The following FNDC1 variants were observed in gnomAD, a reference collection of about 807,000 sequenced individuals.
The protein encoded by FNDC1 is fibronectin type III domain containing 1, also known as fibronectin type III domain-containing protein 1.
In FNDC1, 96 loss-of-function variants were observed where a neutral mutation model predicts 168.0. The ratio of observed to expected loss-of-function variants is 0.57; its 90% CI spans 0.48 to 0.68. The LOEUF (loss-of-function observed/expected upper bound fraction) is 0.68. FNDC1 is among the 30% of genes least tolerant of loss of function. The pLI is 0.00. For missense variants in FNDC1, 2,587 were observed against 2,482.1 expected (o/e 1.04, Z -0.90); for synonymous variants, 1,099 against 1,025.9 (o/e 1.07, Z -1.36).
At chr6:159,184,426 T>A (rs529160229) in intron 1 of FNDC1, among the ~76,000 whole-genome samples, 11 of 152,360 alleles carry the variant, frequency 7.2e-5, no homozygotes, top group African/African-American at 2.6e-4. Context: ...CCCCTTTTTA[T>A]TGATAATTTA....
intron 15 of FNDC1, 74 bp from the exon 16 acceptor site, chr6:159,248,965 G>T: frequency 7.1e-7 from 1 of 1,411,950 alleles, no homozygotes; most frequent in Non-Finnish European, 9.6e-7. Flanking sequence ...TTGAATGTAA[G>T]AAGGTATCAT....
intron 20 of FNDC1, 56 bp from the exon 21 acceptor site, chr6:159,266,028 T>G: frequency 6.3e-6 from 10 of 1,580,706 alleles, no homozygotes; most frequent in African/African-American, 1.3e-5. Flanking sequence ...GCACTTTGTG[T>G]GAGAAGACAC....
intron 1 of FNDC1, among the ~76,000 whole-genome samples, chr6:159,183,778 G>A (rs1188571715): frequency 6.6e-6 from 1 of 152,190 alleles, no homozygotes; most frequent in Non-Finnish European, 1.5e-5. Context: ...TCTAGGAGGA[G>A]GCGCTCACTG....
intron 4 of FNDC1, among the ~76,000 whole-genome samples, chr6:159,210,062 GA>G (rs1782566326): frequency 6.6e-6 from 1 of 152,228 alleles, no homozygotes; most frequent in Non-Finnish European, 1.5e-5. Context: ...GCCCTCTGAA[GA>G]GCAGTCGGGT....
chr6:159,201,778 CT>C (rs1782385822), intron 4 of FNDC1, among the ~76,000 whole-genome samples: 1 of 152,134 alleles, frequency 6.6e-6, no homozygotes, highest in Admixed American at 6.5e-5. Flanking sequence ...ACGTGTGAAC[CT>C]TTTACTGATG....
intron 15 of FNDC1, among the ~76,000 whole-genome samples, chr6:159,248,612 A>T (rs7759282): frequency 0.086 from 13,075 of 152,040 alleles, 1,056 homozygotes; most frequent in East Asian, 0.32. Flanking sequence ...CCAAAAAAAA[A>T]TTTTTAAGAA....
chr6:159,266,373 T>G (rs954416374), intron 21 of FNDC1, 128 bp downstream of exon 21: 11 of 973,420 alleles, frequency 1.1e-5, no homozygotes, highest in African/African-American at 9.8e-5. Context: ...TCACTCTGCC[T>G]CTAATACAAA....
chr6:159,212,499 G>A (rs543469156), intron 4 of FNDC1, among the ~76,000 whole-genome samples: 1 of 152,250 alleles, frequency 6.6e-6, no homozygotes, highest in African/African-American at 2.4e-5. Context: ...TATATAACCA[G>A]AGTATTAAAG....
At chr6:159,195,789 T>G (rs1427564980) in intron 1 of FNDC1, among the ~76,000 whole-genome samples, 2 of 152,214 alleles carry the variant, frequency 1.3e-5, no homozygotes, top group African/African-American at 4.8e-5. Flanking sequence ...AATGTGACAG[T>G]ATTTAGGTTT....
chr6:159,180,829 T>A (rs933151147), intron 1 of FNDC1, among the ~76,000 whole-genome samples: 1 of 152,206 alleles, frequency 6.6e-6, no homozygotes, highest in African/African-American at 2.4e-5. Flanking sequence ...TTCTTATGGC[T>A]GCATAGTACT....
chr6:159,187,981 C>A (rs1338707542), intron 1 of FNDC1, among the ~76,000 whole-genome samples: 1 of 152,154 alleles, frequency 6.6e-6, no homozygotes, highest in Non-Finnish European at 1.5e-5. Flanking sequence ...CCTTTTCTGG[C>A]TGATTATCTG....
intron 10 of FNDC1, among the ~76,000 whole-genome samples, chr6:159,230,787 A>G (rs1783065821): frequency 6.6e-6 from 1 of 152,198 alleles, no homozygotes; most frequent in Non-Finnish European, 1.5e-5. Flanking sequence ...CTGCAATATT[A>G]GACAATTTTG....
chr6:159,268,723 CATCTATCT>C (rs59162576), intron 22 of FNDC1, among the ~76,000 whole-genome samples: 5 of 149,706 alleles, frequency 3.3e-5, no homozygotes, highest in African/African-American at 1.2e-4. Flanking sequence ...TTTATGCATC[CATCTATCT>C]ATCTATCTAT....
At chr6:159,214,519 C>G (rs1348425697) in intron 4 of FNDC1, among the ~76,000 whole-genome samples, 1 of 152,182 alleles carries the variant, frequency 6.6e-6, no homozygotes, top group Non-Finnish European at 1.5e-5. Flanking sequence ...GTCTTTTCAA[C>G]ATTACAGTGA....
chr6:159,207,585 C>A (rs997285522), intron 4 of FNDC1, among the ~76,000 whole-genome samples: 3 of 152,172 alleles, frequency 2.0e-5, no homozygotes, highest in African/African-American at 4.8e-5. Context: ...TTTTGTGGGA[C>A]CCTTGCAAAT....
rs1448016866 is a variant in FNDC1 at position 159,233,009 on chromosome 6, A to G, written c.2497A>G (p.Ser833Gly). The change falls in exon 11 of 23, where the codon AGC (serine) becomes GGC (glycine). Residue 833 changes from serine (S) to glycine (G), a missense_variant. By Grantham distance (56) the Ser-to-Gly change is moderately conservative. Coordinates refer to ENST00000297267, the MANE Select transcript of FNDC1 (RefSeq NM_032532.3). This position sits in a 1 kb window ranked among gnomAD's most constrained non-coding sequence, Gnocchi z 4.6. ...CTTTGCTGCCAACGGGAGGTCTCCA[A>G]GCAGGTTCAGCATTGGGCGGGGACC... ...KPFAANGRSP[S>G]RFSIGRGPRL... 4 of 1,612,628 alleles carry G rather than the reference A, an allele frequency of 2.5e-6. No individual in the cohort carries two copies. Among genetic ancestry groups the G allele is most frequent in the South Asian group, 1.1e-5 (1 of 90,828 alleles).
chr6:159,203,263 G>T (rs1163133442), intron 4 of FNDC1, among the ~76,000 whole-genome samples: 1 of 152,168 alleles, frequency 6.6e-6, no homozygotes, highest in African/African-American at 2.4e-5. Flanking sequence ...AACACATCAT[G>T]AATTATTTTA....
At chr6:159,222,162 A>G (rs1452675852) in intron 6 of FNDC1, among the ~76,000 whole-genome samples, 4 of 152,198 alleles carry the variant, frequency 2.6e-5, no homozygotes, top group Non-Finnish European at 4.4e-5. Flanking sequence ...GAGCCTGATC[A>G]TTGTCCACAC....
In FNDC1 at chr6:159,268,991, T is replaced by C. The variant is rs11756110; in HGVS notation, c.5569+1065T>C. Among the ~76,000 whole-genome samples, 498 of 130,452 alleles carry C rather than the reference T, an allele frequency of 3.8e-3. 3 individuals carry two copies. The highest frequency in any genetic ancestry group is 0.016 in the East Asian group (48 of 3,088). The allele number at this position is 130,452 out of a possible 152,430, so 85.6% of individuals were successfully genotyped here. A position where few individuals can be genotyped will look rare whatever the true frequency, so the allele number is the denominator to read the frequency against. On this transcript the variant is annotated intron_variant, in intron 22 of 22. Transcript: ENST00000297267. ...CTATCCACCTATCCATGTATCTATT[T>C]ATCCATCCATCCATCCATCCATCCA...
Sources: gnomAD v4.1 joint callset for allele counts (sites outside exome capture counted in the v4.1 genomes callset) on GRCh38, gnomAD v4.1.1 for gene constraint, Gnocchi (gnomAD v3.1) non-coding constraint, MANE v1.5 for transcripts, NCBI Gene and HGNC (gene_info 2026-07-23, HGNC 2026-07-21) for gene names.